The following CNBD1 variants were observed in gnomAD, a reference collection of about 807,000 sequenced individuals.
CNBD1 encodes cyclic nucleotide-binding domain-containing protein 1.
In CNBD1, 71 loss-of-function variants were observed where a neutral mutation model predicts 54.4. The ratio of observed to expected loss-of-function variants is 1.30; its 90% CI spans 1.08 to 1.59. The LOEUF is 1.59. CNBD1 is among the 40% of genes most tolerant of loss of function. The probability of loss-of-function intolerance (pLI) is 0.00; values close to 1 mark genes in which losing one functional copy is unlikely to be tolerated. For synonymous variants in CNBD1, 182 were observed against 170.7 expected (o/e 1.07, Z -0.51); for missense variants, 659 against 518.0 (o/e 1.27, Z -2.64).
chr8:87,259,561 A>T (rs1808093035), intron 6 of CNBD1, among the ~76,000 whole-genome samples: 1 of 152,238 alleles, frequency 6.6e-6, no homozygotes, highest in Admixed American at 6.5e-5. Flanking sequence ...ATTTGATTTA[A>T]GTGCTTATTT....
At chr8:87,073,796 G>A (rs1054287810) in intron 4 of CNBD1, among the ~76,000 whole-genome samples, 2 of 152,016 alleles carry the variant, frequency 1.3e-5, no homozygotes, top group African/African-American at 2.4e-5. Flanking sequence ...ACAGGATCAG[G>A]GACCTTCCTA....
At chr8:87,351,617 G>A in intron 8 of CNBD1, 68 bp from the exon 9 acceptor site, 1 of 1,352,166 alleles carries the variant, frequency 7.4e-7, no homozygotes, top group Non-Finnish European at 9.7e-7. Context: ...AACTTTTGTT[G>A]CTAAAATATC....
intron 2 of CNBD1, among the ~76,000 whole-genome samples, chr8:87,426,875 C>A (rs1391592465): frequency 6.6e-6 from 1 of 152,118 alleles, no homozygotes; most frequent in African/African-American, 2.4e-5. Flanking sequence ...CAGGGATATA[C>A]CCTTAATCTA....
intron 8 of CNBD1, 56 bp from the exon 9 acceptor site, chr8:87,351,628 TA>T: frequency 1.4e-6 from 2 of 1,400,232 alleles, no homozygotes; most frequent in South Asian, 1.5e-5. Flanking sequence ...CTAAAATATC[TA>T]AAATAATTTA....
intron 6 of CNBD1, among the ~76,000 whole-genome samples, chr8:87,248,411 A>G (rs1204890787): frequency 6.6e-6 from 1 of 152,236 alleles, no homozygotes; most frequent in Non-Finnish European, 1.5e-5. Context: ...TTAGCAATGC[A>G]GTTAGCCACT....
intron 2 of CNBD1, among the ~76,000 whole-genome samples, chr8:87,412,610 T>A (rs970665097): frequency 6.6e-6 from 1 of 152,066 alleles, no homozygotes; most frequent in Non-Finnish European, 1.5e-5. Context: ...GACACTATGT[T>A]TTCACATTTG....
At chr8:87,369,498 G>A (rs1426314779) in intron 10 of CNBD1, among the ~76,000 whole-genome samples, 1 of 152,014 alleles carries the variant, frequency 6.6e-6, no homozygotes, top group African/African-American at 2.4e-5. Flanking sequence ...ATCTGCAGGT[G>A]ACAAGTTCTC....
intron 10 of CNBD1, among the ~76,000 whole-genome samples, chr8:87,354,426 T>C (rs1040027677): frequency 3.3e-5 from 5 of 152,140 alleles, no homozygotes; most frequent in Middle Eastern, 3.4e-3. Context: ...ATTATTATAC[T>C]TTAAGTTTTA....
intron 3 of CNBD1, among the ~76,000 whole-genome samples, chr8:86,916,951 C>A (rs1417727070): frequency 6.6e-6 from 1 of 151,268 alleles, no homozygotes; most frequent in Non-Finnish European, 1.5e-5. Flanking sequence ...GCTCACTGCA[C>A]CCTCCACCTC....
At chr8:87,298,347 G>C (rs377494814) in intron 8 of CNBD1, among the ~76,000 whole-genome samples, 10 of 152,086 alleles carry the variant, frequency 6.6e-5, no homozygotes, top group African/African-American at 2.4e-4. Flanking sequence ...GGCAAAGCGC[G>C]ATGGAAGACT....
chr8:87,275,836 C>T (rs1387636874), intron 6 of CNBD1, among the ~76,000 whole-genome samples: 1 of 151,560 alleles, frequency 6.6e-6, no homozygotes, highest in Admixed American at 6.6e-5. Context: ...ATTGTCTCAG[C>T]CCAAAATCTC....
intron 2 of CNBD1, among the ~76,000 whole-genome samples, chr8:87,416,415 C>A (rs573779059): frequency 1.3e-5 from 2 of 152,096 alleles, no homozygotes; most frequent in South Asian, 4.1e-4. Flanking sequence ...GTGAGTGAGA[C>A]CAATGAACTT....
chr8:87,359,581 A>C (rs1810488765), intron 10 of CNBD1, among the ~76,000 whole-genome samples: 1 of 152,152 alleles, frequency 6.6e-6, no homozygotes, highest in Non-Finnish European at 1.5e-5. Flanking sequence ...AATAATTTTC[A>C]CATATGAAGA....
chr8:87,316,348 T>G (rs2130895085), intron 8 of CNBD1, among the ~76,000 whole-genome samples: 1 of 151,906 alleles, frequency 6.6e-6, no homozygotes, highest in Middle Eastern at 3.4e-3. Flanking sequence ...ATTTTGAAAA[T>G]ATTTAGTTTC....
intron 4 of CNBD1, among the ~76,000 whole-genome samples, chr8:87,200,997 C>G (rs1484523093): frequency 2.6e-5 from 4 of 152,170 alleles, no homozygotes; most frequent in East Asian, 3.9e-4. Flanking sequence ...CAAATATTCT[C>G]AACAAAATAG....
intron 4 of CNBD1, among the ~76,000 whole-genome samples, chr8:87,009,618 C>T (rs1809173801): frequency 6.6e-6 from 1 of 151,992 alleles, no homozygotes; most frequent in South Asian, 2.1e-4. Context: ...AACATTATTA[C>T]TATTGTTTTA....
intron 10 of CNBD1, among the ~76,000 whole-genome samples, chr8:87,374,112 AAAGAAAATCAG>A (rs1468626900): frequency 6.6e-6 from 1 of 151,798 alleles, no homozygotes; most frequent in Non-Finnish European, 1.5e-5. Flanking sequence ...CATCATAAAA[AAAGAAAATCAG>A]AATGTAGGCA....
At chr8:87,139,098 T>C (rs1476787046) in intron 4 of CNBD1, among the ~76,000 whole-genome samples, 1 of 152,234 alleles carries the variant, frequency 6.6e-6, no homozygotes, top group Admixed American at 6.5e-5. Context: ...AAGGATGATA[T>C]TGTGAAGGTG....
chr8:86,905,113 A>G lies in CNBD1; in HGVS notation c.191A>G (p.Asp64Gly). Residue 64 changes from aspartate to glycine, a missense_variant, in exon 3 of 11, where the codon GAT becomes GGT. By Grantham distance (94) the Asp-to-Gly change is moderately conservative. Transcript: ENST00000518476. ...RSMSNILSAH[D>G]TFMKQYPKVF... ...ATGAGCAATATCTTATCAGCTCACG[A>G]TACATTTATGAAGCAATATCCTAAA... 6.2e-7 allele frequency: 1 copy of G among 1,611,970 alleles called. No homozygotes were observed. The highest frequency in any genetic ancestry group is 8.5e-7 in the Non-Finnish European group (1 of 1,178,594).
Sources: allele counts gnomAD v4.1 joint callset (sites outside exome capture counted in the v4.1 genomes callset), GRCh38; gene constraint gnomAD v4.1.1; transcripts MANE v1.5; gene names NCBI Gene and HGNC (gene_info 2026-07-23, HGNC 2026-07-21).